LCLAT1: variants seen among roughly 807,000 people sequenced by gnomAD.
LCLAT1 encodes lysocardiolipin acyltransferase 1, also known as 1-AGP acyltransferase 8.
Under a neutral mutation model 30.7 loss-of-function variants are expected in LCLAT1, and 11 were observed. The observed-to-expected ratio is 0.36, with a 90% CI of 0.23 to 0.59. The LOEUF is 0.59. Among genes scored for constraint, LCLAT1 ranks in the 20% least tolerant of loss-of-function variants. The pLI is 0.77. For missense variants in LCLAT1, 402 were observed against 458.6 expected, an observed-to-expected ratio of 0.88 and a Z score of 1.13; for synonymous variants, 155 against 151.3, an observed-to-expected ratio of 1.02 and a Z score of -0.18.
intron 1 of LCLAT1, among the ~76,000 whole-genome samples, chr2:30,521,273 CAGCAGCCCTCAGGGCTGCTCTG>C (rs1685454549): frequency 6.6e-6 from 1 of 152,090 alleles, no homozygotes; most frequent in Non-Finnish European, 1.5e-5. Flanking sequence ...AATGGGCAAC[CAGCAGCCCTCAGGGCTGCTCTG>C]TCTGTGGAGT....
At chr2:30,459,633 A>G in intron 1 of LCLAT1, 1 of 1,613,802 alleles carries the variant, frequency 6.2e-7, no homozygotes, top group South Asian at 1.1e-5. Context: ...GGGGAAGGGA[A>G]ATTGTGGTGC....
At chr2:30,458,058 A>G (rs996653800) in intron 1 of LCLAT1, among the ~76,000 whole-genome samples, 14 of 151,242 alleles carry the variant, frequency 9.3e-5, no homozygotes, top group African/African-American at 3.4e-4. Context: ...AAAAAAAAAG[A>G]GGCAACTTTT....
At chr2:30,493,231 T>C (rs1304847399) in intron 1 of LCLAT1, among the ~76,000 whole-genome samples, 3 of 152,252 alleles carry the variant, frequency 2.0e-5, no homozygotes, top group Non-Finnish European at 4.4e-5. Context: ...TAATGTAGAC[T>C]TTCATATAGT....
intron 1 of LCLAT1, among the ~76,000 whole-genome samples, chr2:30,465,606 A>G (rs1682379458): frequency 6.6e-6 from 1 of 152,228 alleles, no homozygotes; most frequent in African/African-American, 2.4e-5. Context: ...CTTAATTCTT[A>G]TCTACTCTTT....
chr2:30,484,389 T>A (rs1683466459), intron 1 of LCLAT1, among the ~76,000 whole-genome samples: 1 of 152,162 alleles, frequency 6.6e-6, no homozygotes, highest in African/African-American at 2.4e-5. Flanking sequence ...CACAGGGCTC[T>A]TTTGGAAATA....
At chr2:30,568,576 C>G (rs1200538885) in intron 5 of LCLAT1, among the ~76,000 whole-genome samples, 1 of 139,802 alleles carries the variant, frequency 7.2e-6, no homozygotes, top group African/African-American at 2.7e-5. Context: ...GGTGCTATCT[C>G]GGCTCACTGC....
At chr2:30,465,626 C>G (rs576570787) in intron 1 of LCLAT1, among the ~76,000 whole-genome samples, 1 of 152,120 alleles carries the variant, frequency 6.6e-6, no homozygotes, top group Non-Finnish European at 1.5e-5. Context: ...TGCTAATCAC[C>G]GTTATTTATT....
At chr2:30,502,821 T>G (rs1684465121) in intron 1 of LCLAT1, among the ~76,000 whole-genome samples, 1 of 152,190 alleles carries the variant, frequency 6.6e-6, no homozygotes, top group African/African-American at 2.4e-5. Context: ...AGTGCTGCTA[T>G]TGATGCAGGA....
At position 30,640,687 on chromosome 2, in the gene LCLAT1, A is replaced by G; in HGVS notation, c.*68A>G. The G allele has an allele frequency of 6.6e-7, 1 of 1,503,858 alleles. No homozygotes were observed. The highest frequency in any genetic ancestry group is 8.9e-7 in the Non-Finnish European group (1 of 1,127,824). The allele number at this position is 1,503,858 out of a possible 1,614,324, so 93.2% of individuals were successfully genotyped here. A position where few individuals can be genotyped will look rare whatever the true frequency, so the allele number is the denominator to read the frequency against. On this transcript the variant is annotated 3_prime_UTR_variant, in exon 6 of 6. Transcript: ENST00000379509. ...AAATGTTCTAAACCTTTCTAAGCTC[A>G]GATGCATTTTTGCATGACTATGTCG...
chr2:30,551,023 G>A (rs1257399295), intron 3 of LCLAT1, among the ~76,000 whole-genome samples: 2 of 152,126 alleles, frequency 1.3e-5, no homozygotes, highest in African/African-American at 4.8e-5. Flanking sequence ...CTGTCATCCA[G>A]GTTGGTGTGC....
intron 3 of LCLAT1, among the ~76,000 whole-genome samples, chr2:30,543,821 T>C (rs922079166): frequency 6.6e-6 from 1 of 152,064 alleles, no homozygotes; most frequent in Non-Finnish European, 1.5e-5. Context: ...CCCTCTCCCC[T>C]AAAATAATCA....
chr2:30,555,968 G>T (rs924218767), intron 3 of LCLAT1, among the ~76,000 whole-genome samples: 1 of 151,624 alleles, frequency 6.6e-6, no homozygotes, highest in Non-Finnish European at 1.5e-5. Flanking sequence ...CTCCGGAATA[G>T]CTGGGGCAAT....
chr2:30,528,499 G>A (rs1490034719), intron 2 of LCLAT1, among the ~76,000 whole-genome samples: 1 of 152,192 alleles, frequency 6.6e-6, no homozygotes, highest in Admixed American at 6.5e-5. Flanking sequence ...GTTCTCTGCT[G>A]AGTGTGATTC....
intron 1 of LCLAT1, among the ~76,000 whole-genome samples, chr2:30,515,045 C>T (rs2148364673): frequency 6.6e-6 from 1 of 152,234 alleles, no homozygotes; most frequent in South Asian, 2.1e-4. Flanking sequence ...CGCTCCCCCA[C>T]TGCCCCCATT....
At chr2:30,626,677 T>C (rs1668526304) in intron 5 of LCLAT1, among the ~76,000 whole-genome samples, 1 of 152,058 alleles carries the variant, frequency 6.6e-6, no homozygotes, top group Admixed American at 6.5e-5. Flanking sequence ...TCTTTCTCTT[T>C]CCATTTGTAT....
At chr2:30,618,128 T>A (rs533268568) in intron 5 of LCLAT1, among the ~76,000 whole-genome samples, 1 of 152,178 alleles carries the variant, frequency 6.6e-6, no homozygotes, top group Non-Finnish European at 1.5e-5. Context: ...GATCTGTATG[T>A]CTAACTCTCC....
At chr2:30,523,976 G>T (rs1255598654) in intron 1 of LCLAT1, among the ~76,000 whole-genome samples, 1 of 152,146 alleles carries the variant, frequency 6.6e-6, no homozygotes, top group African/African-American at 2.4e-5. Flanking sequence ...GCACCATGAC[G>T]TTTGAAAATG....
At position 30,636,782 on chromosome 2, in the gene LCLAT1, T is replaced by C. The variant is rs574374614; in HGVS notation, c.629-3335T>C. 6.6e-5 allele frequency among the ~76,000 whole-genome samples: 10 copies of C among 152,326 alleles called. No individual in the cohort carries two copies. In the South Asian group the frequency reaches 1.9e-3, roughly 28 times the overall value. On this transcript the variant is annotated intron_variant, in intron 5 of 5. Transcript: ENST00000379509. ...ATACCAATTTGTAAAAACACATGAC[T>C]GTATTTGATCCGTAAGCATTAGGAA...
intron 5 of LCLAT1, among the ~76,000 whole-genome samples, chr2:30,592,168 CACTG>C (rs1369071409): frequency 4.6e-5 from 7 of 152,136 alleles, no homozygotes; most frequent in African/African-American, 7.2e-5. Context: ...CTTTGAAAGA[CACTG>C]ACAGAACATC....
Sources: allele counts gnomAD v4.1 joint callset (sites outside exome capture counted in the v4.1 genomes callset), GRCh38; gene constraint gnomAD v4.1.1; transcripts MANE v1.5; gene names NCBI Gene and HGNC (gene_info 2026-07-23, HGNC 2026-07-21).